The following ANK1 variants were observed in gnomAD, a reference collection of about 807,000 sequenced individuals.
The protein encoded by ANK1 is ankyrin-1.
ANK1 carries 51 observed loss-of-function variants against 210.4 expected under a neutral mutation model. The ratio of observed to expected loss-of-function variants is 0.24; its 90% CI spans 0.19 to 0.31. The LOEUF is 0.31. Among genes scored for constraint, ANK1 ranks in the 10% least tolerant of loss-of-function variants. The probability of loss-of-function intolerance (pLI) is 1.00; values close to 1 mark genes in which losing one functional copy is unlikely to be tolerated. For synonymous variants in ANK1, 967 were observed against 1,025.9 expected, an observed-to-expected ratio of 0.94 and a Z score of 1.10; for missense variants, 2,051 against 2,504.4, an observed-to-expected ratio of 0.82 and a Z score of 3.86.
At chr8:41,795,437 A>G (rs1386174519) in intron 1 of ANK1, among the ~76,000 whole-genome samples, 1 of 152,134 alleles carries the variant, frequency 6.6e-6, no homozygotes, top group Non-Finnish European at 1.5e-5. Flanking sequence ...TGAATACAGG[A>G]GGCAGAGGTT....
At chr8:41,883,962 A>T (rs537612902) in intron 1 of ANK1, among the ~76,000 whole-genome samples, 1 of 152,324 alleles carries the variant, frequency 6.6e-6, no homozygotes, top group East Asian at 1.9e-4. Flanking sequence ...CAGAGGCTCC[A>T]ACAACTCAGA....
intron 1 of ANK1, among the ~76,000 whole-genome samples, chr8:41,836,087 T>C (rs752539245): frequency 4.6e-5 from 7 of 152,192 alleles, no homozygotes; most frequent in Non-Finnish European, 1.0e-4. Context: ...CCCCTGGAAC[T>C]CTCAGGGACG....
intron 1 of ANK1, among the ~76,000 whole-genome samples, chr8:41,884,744 A>G (rs1818164196): frequency 6.6e-6 from 1 of 152,062 alleles, no homozygotes; most frequent in Non-Finnish European, 1.5e-5. Flanking sequence ...TGTTGGGAGG[A>G]TCGTTTGAGC....
At chr8:41,716,218 G>T (rs1018618769) in intron 13 of ANK1, among the ~76,000 whole-genome samples, 2 of 152,120 alleles carry the variant, frequency 1.3e-5, no homozygotes, top group African/African-American at 4.8e-5. Flanking sequence ...AATGCAGTGT[G>T]GCTGCTCATC....
chr8:41,775,258 CA>C, intron 1 of ANK1, among the ~76,000 whole-genome samples: 1 of 152,330 alleles, frequency 6.6e-6, no homozygotes, highest in Non-Finnish European at 1.5e-5. Context: ...CGGGGCCGAC[CA>C]GGGGGTACCC....
Position 41,709,098 on chromosome 8 carries a change from C to T in ANK1, c.1801-123G>A, listed in dbSNP as rs1282487020. ...GACACCCAGTGAGCAGGGCTGGCAT[C>T]ACCCAGGAGCAATTTAGGTAAACAA... On this transcript the variant is annotated intron_variant, in intron 16 of 42. Transcript: ENST00000289734. 4.8e-6 allele frequency: 5 copies of T among 1,036,840 alleles called. 1 individual carries two copies. The African/African-American group carries it at 8.6e-5, about 18-fold the overall frequency. 64.2% of individuals were successfully genotyped at this position (1,036,840 alleles called of 1,614,324 possible).
At chr8:41,812,414 T>C (rs1051140590) in intron 1 of ANK1, among the ~76,000 whole-genome samples, 2 of 152,324 alleles carry the variant, frequency 1.3e-5, no homozygotes, top group Middle Eastern at 6.8e-3. Context: ...GCCTGGGGCC[T>C]CCAGGAGGAG....
chr8:41,665,128 C>T (rs1306790982), intron 39 of ANK1: 18 of 1,547,464 alleles, frequency 1.2e-5, no homozygotes, highest in South Asian at 1.1e-4. Flanking sequence ...CCAGGGACCC[C>T]TTGCATTCCC....
intron 1 of ANK1, among the ~76,000 whole-genome samples, chr8:41,775,375 A>T (rs1327814326): frequency 2.0e-5 from 3 of 152,066 alleles, no homozygotes; most frequent in Non-Finnish European, 4.4e-5. Flanking sequence ...GGGGCTTGTG[A>T]CCCTGAAATT....
intron 1 of ANK1, among the ~76,000 whole-genome samples, chr8:41,761,775 C>T (rs2150718954): frequency 6.6e-6 from 1 of 152,286 alleles, no homozygotes; most frequent in Admixed American, 6.5e-5. Context: ...CACGTCTTCA[C>T]CACTGAAACA....
chr8:41,859,522 T>C (rs1378946110), intron 1 of ANK1, among the ~76,000 whole-genome samples: 1 of 152,188 alleles, frequency 6.6e-6, no homozygotes, highest in East Asian at 1.9e-4. Context: ...AATTTTTGTA[T>C]TTTTAGTAGA....
chr8:41,783,211 G>C (rs1314115976), intron 1 of ANK1, among the ~76,000 whole-genome samples: 3 of 152,220 alleles, frequency 2.0e-5, no homozygotes, highest in African/African-American at 7.2e-5. Context: ...CATTGAAGGA[G>C]ATCGTTTCGA....
chr8:41,706,009 C>CAA (rs1824466981), intron 18 of ANK1, 134 bp downstream of exon 18: 1 of 884,754 alleles, frequency 1.1e-6, no homozygotes, highest in Admixed American at 1.9e-5. Context: ...TTTCAAACTC[C>CAA]ACTGCCAGCC....
intron 1 of ANK1, among the ~76,000 whole-genome samples, chr8:41,819,599 C>T (rs755666190): frequency 4.6e-5 from 7 of 152,132 alleles, no homozygotes; most frequent in Middle Eastern, 3.2e-3. Context: ...ACTTTCCCAG[C>T]GCTAACCAAG....
rs747995769 is a variant in ANK1 at position 41,717,611 on chromosome 8, G to A, written c.1298C>T (p.Ser433Phe). ...GCCTGCCTGAGGGCTTACCACGTTG[G>A]AGACGTTGGGCGACGCCCCCCGCTG... ...LLQRGASPNV[S>F]NVKVETPLHM... The change falls in exon 12 of 43, where the codon TCC (serine) becomes TTC (phenylalanine). Residue 433 changes from serine to phenylalanine, a missense_variant. Ser to Phe is a radical substitution (Grantham distance 155, BLOSUM62 -2). Transcript: ENST00000289734. 1 of 1,551,352 alleles carries A rather than the reference G, an allele frequency of 6.4e-7. No individual in the cohort carries two copies. Among genetic ancestry groups the A allele is most frequent in the African/African-American group, 1.4e-5 (1 of 73,058 alleles).
intron 16 of ANK1, among the ~76,000 whole-genome samples, chr8:41,709,843 G>C (rs1484867616): frequency 2.0e-5 from 3 of 152,162 alleles, no homozygotes; most frequent in Non-Finnish European, 2.9e-5. Flanking sequence ...GTGGGAAGAT[G>C]GCTTGAGCTA....
intron 42 of ANK1, among the ~76,000 whole-genome samples, chr8:41,659,690 G>C (rs907429352): frequency 4.8e-5 from 7 of 146,700 alleles, no homozygotes; most frequent in Admixed American, 4.8e-4. Flanking sequence ...CACTGCTCTC[G>C]CCCCACCGCC....
intron 3 of ANK1, among the ~76,000 whole-genome samples, chr8:41,730,467 T>TA (rs397730654): frequency 6.6e-6 from 1 of 151,210 alleles, no homozygotes. Context: ...TTTTTTTTTT[T>TA]AAAGGCATAA....
chr8:41,727,404 C>T, intron 4 of ANK1, 56 bp from the exon 5 acceptor site: 2 of 1,269,926 alleles, frequency 1.6e-6, no homozygotes, highest in Non-Finnish European at 2.3e-6. Flanking sequence ...GAAAGGCCTA[C>T]ACCAGCACAA....
Sources: gnomAD v4.1 joint callset for allele counts (sites outside exome capture counted in the v4.1 genomes callset) on GRCh38, gnomAD v4.1.1 for gene constraint, MANE v1.5 for transcripts, NCBI Gene and HGNC (gene_info 2026-07-23, HGNC 2026-07-21) for gene names.